Variants in GALNT17 observed in about 807,000 individuals in gnomAD.
The protein encoded by GALNT17 is UDP-GalNAc:polypeptide N-acetylgalactosaminyltransferase-like 3.
A neutral mutation model predicts 63.7 loss-of-function variants in GALNT17; 29 were observed. That is an observed-to-expected ratio of 0.46 (90% confidence interval 0.34 to 0.62). The LOEUF (loss-of-function observed/expected upper bound fraction) is 0.62, where lower values mean the gene tolerates loss of function less well. GALNT17 is among the 20% of genes least tolerant of loss of function. The pLI is 0.01. For missense variants in GALNT17, 603 were observed against 799.6 expected, an observed-to-expected ratio of 0.75 and a Z score of 2.97; for synonymous variants, 305 against 318.3, an observed-to-expected ratio of 0.96 and a Z score of 0.45.
intron 4 of GALNT17, among the ~76,000 whole-genome samples, chr7:71,419,803 C>T (rs550738033): frequency 6.6e-6 from 1 of 152,286 alleles, no homozygotes; most frequent in Admixed American, 6.5e-5. Context: ...CCTAAGCCTG[C>T]CTGGAAGCCT....
At chr7:71,188,973 G>A (rs17592818) in intron 1 of GALNT17, among the ~76,000 whole-genome samples, 2,998 of 152,202 alleles carry the variant, frequency 0.02, 33 homozygotes, top group Middle Eastern at 0.041. Context: ...AGTTCTTGAA[G>A]AAGAAAAAAT....
In GALNT17 at chr7:71,273,246, G is replaced by T. The variant is rs117998551; in HGVS notation, c.239-62304G>T. Among the ~76,000 whole-genome samples the T allele has an allele frequency of 1.4e-3, 209 of 152,242 alleles. 2 individuals are homozygous for T. The East Asian group carries it at 0.036, about 26-fold the overall frequency. Reference sequence around the variant, plus strand: ...CACTCACCTCATTTCCCTGATACCAGTTCTCTGAAATGTTATTGTAGACCT... The same window carrying T: ...CACTCACCTCATTTCCCTGATACCATTTCTCTGAAATGTTATTGTAGACCT... On this transcript the variant is annotated intron_variant, in intron 1 of 10. Transcript: ENST00000333538.
intron 5 of GALNT17, among the ~76,000 whole-genome samples, chr7:71,446,852 T>C (rs1787170829): frequency 6.6e-6 from 1 of 152,210 alleles, no homozygotes; most frequent in Admixed American, 6.5e-5. Context: ...GCCGACTCTA[T>C]TCTTTTAAAT....
chr7:71,339,703 G>A (rs923445610), intron 2 of GALNT17, among the ~76,000 whole-genome samples: 21 of 151,748 alleles, frequency 1.4e-4, no homozygotes, highest in South Asian at 8.4e-4. Context: ...AAAAAAAAAG[G>A]AAAATTGAAA....
At chr7:71,298,711 G>GGTGGGTGT (rs1554350076) in intron 1 of GALNT17, among the ~76,000 whole-genome samples, 1 of 141,490 alleles carries the variant, frequency 7.1e-6, no homozygotes, top group African/African-American at 2.6e-5. Flanking sequence ...ATTCCAGTGG[G>GGTGGGTGT]GTGTGTGTGT....
rs548672385 is a variant in GALNT17, at chr7:71,269,863, C to G, written c.239-65687C>G. 5.3e-5 allele frequency among the ~76,000 whole-genome samples: 8 copies of G among 152,216 alleles called. No homozygotes were observed. In the South Asian group the frequency reaches 1.7e-3, roughly 32 times the overall value. ...GGATGGAGCCCTTGCCTTTGTCCCC[C>G]ACAGATAAATTTGTTGTAAAACCTA... On this transcript the variant is annotated intron_variant, in intron 1 of 10. Coordinates refer to ENST00000333538, the MANE Select transcript of GALNT17 (RefSeq NM_022479.3).
intron 1 of GALNT17, among the ~76,000 whole-genome samples, chr7:71,316,178 GC>G (rs1230501017): frequency 9.5e-6 from 1 of 104,826 alleles, no homozygotes; most frequent in East Asian, 4.3e-4. Flanking sequence ...AGCCTCGCAG[GC>G]CGCCTGGGGT....
At chr7:71,307,148 A>G (rs577497599) in intron 1 of GALNT17, among the ~76,000 whole-genome samples, 1 of 152,224 alleles carries the variant, frequency 6.6e-6, no homozygotes, top group East Asian at 1.9e-4. Flanking sequence ...TTTGGGGTTT[A>G]TGCCCAGAAG....
At chr7:71,515,718 C>A (rs1485751028) in intron 5 of GALNT17, among the ~76,000 whole-genome samples, 2 of 152,094 alleles carry the variant, frequency 1.3e-5, no homozygotes, top group Non-Finnish European at 2.9e-5. Flanking sequence ...CTTATGTAAA[C>A]CAAAAAGTAT....
chr7:71,166,595 T>C (rs1360957156), intron 1 of GALNT17, among the ~76,000 whole-genome samples: 5 of 152,218 alleles, frequency 3.3e-5, no homozygotes, highest in African/African-American at 1.2e-4. Flanking sequence ...TTAACATACA[T>C]GGAATAATAT....
intron 6 of GALNT17, among the ~76,000 whole-genome samples, chr7:71,603,399 G>A (rs1171270940): frequency 2.0e-5 from 3 of 151,984 alleles, no homozygotes; most frequent in Non-Finnish European, 4.4e-5. Context: ...TATGTTAAGT[G>A]CGTACTCTGG....
At chr7:71,576,131 G>T (rs1006563190) in intron 6 of GALNT17, among the ~76,000 whole-genome samples, 3 of 152,132 alleles carry the variant, frequency 2.0e-5, no homozygotes, top group Non-Finnish European at 4.4e-5. Context: ...CGAAGAAAAG[G>T]CATTCTCTTC....
Position 71,454,372 on chromosome 7 carries a change from C to T in GALNT17, c.962+33267C>T, listed in dbSNP as rs550724719. 2.0e-5 allele frequency among the ~76,000 whole-genome samples: 3 copies of T among 152,280 alleles called. No individual in the cohort carries two copies. The South Asian group carries it at 6.2e-4, about 32-fold the overall frequency. On this transcript the variant is annotated intron_variant, in intron 5 of 10. Transcript: ENST00000333538. ...GTTTGCTGAGGATAACGGCTTCTGG[C>T]TTCATACATGTCACTCCAAAGGACA...
In GALNT17 at chr7:71,571,412, A is replaced by G. The variant is rs1255230128; in HGVS notation, c.1080+10A>G. 2 of 1,608,206 alleles carry G rather than the reference A, an allele frequency of 1.2e-6. No individual in the cohort carries two copies. The highest frequency in any genetic ancestry group is 3.3e-5 in the Admixed American group (2 of 59,982). On this transcript the variant is annotated intron_variant, in intron 6 of 10. Coordinates refer to ENST00000333538, the MANE Select transcript of GALNT17 (RefSeq NM_022479.3). ...TGAACTGGGAATCAAGGTTTGTGAC[A>G]TGGTGTCCCTTCCTCTTGGTGTGCC... is the stretch of plus-strand genomic sequence containing the variant.
chr7:71,472,286 C>A (rs1426054169), intron 5 of GALNT17, among the ~76,000 whole-genome samples: 1 of 152,164 alleles, frequency 6.6e-6, no homozygotes, highest in African/African-American at 2.4e-5. Context: ...GTTAGGGTTT[C>A]AACATGAGAG....
chr7:71,294,156 C>T (rs1366692968), intron 1 of GALNT17, among the ~76,000 whole-genome samples: 8 of 41,968 alleles, frequency 1.9e-4, no homozygotes, highest in East Asian at 7.2e-4. Context: ...AGCGAGACTC[C>T]GTCTCAAAAA....
chr7:71,540,060 C>G (rs2116803147), intron 5 of GALNT17, among the ~76,000 whole-genome samples: 1 of 127,282 alleles, frequency 7.9e-6, no homozygotes. Flanking sequence ...TCCCAAAGTG[C>G]TGTGATTACA....
chr7:71,188,380 G>T (rs1033658917), intron 1 of GALNT17, among the ~76,000 whole-genome samples: 1 of 152,062 alleles, frequency 6.6e-6, no homozygotes, highest in African/African-American at 2.4e-5. Flanking sequence ...CTGTAACCAC[G>T]CCAGCATCTA....
In GALNT17 at chr7:71,665,589, C is replaced by T. The variant is rs780748741; in HGVS notation, c.1259C>T (p.Pro420Leu). ...KSHVYIAWNL[P>L]LENPGIDIGD... ...CATGTGTACATAGCGTGGAACCTGC[C>T]GCTGGAGGTAGGGATCACCAGCCTT... Residue 420 changes from proline to leucine, a missense_variant, in exon 7 of 11, where the codon CCG (proline) becomes CTG (leucine). Pro to Leu is a moderately conservative substitution (Grantham distance 98, BLOSUM62 -3). This residue lies in a region of GALNT17 where 336 missense variants were observed against 507.8 expected (regional missense o/e 0.66). Transcript: ENST00000333538. The T allele has an allele frequency of 8.1e-6, 13 of 1,612,378 alleles. No individual in the cohort carries two copies. Among genetic ancestry groups the T allele is most frequent in the East Asian group, 4.5e-5 (2 of 44,708 alleles).
Sources: gnomAD v4.1 joint callset for allele counts (sites outside exome capture counted in the v4.1 genomes callset) on GRCh38, gnomAD v4.1.1 for gene constraint, gnomAD v4.1.1 regional missense constraint, MANE v1.5 for transcripts, NCBI Gene and HGNC (gene_info 2026-07-23, HGNC 2026-07-21) for gene names.